SLC16A5: variants seen among roughly 807,000 people sequenced by gnomAD.
The protein encoded by SLC16A5 is monocarboxylate transporter 6.
In SLC16A5, 29 loss-of-function variants were observed where a neutral mutation model predicts 33.2. The ratio of observed to expected loss-of-function variants is 0.87; its 90% CI spans 0.65 to 1.19. The LOEUF (loss-of-function observed/expected upper bound fraction) is 1.19, where lower values mean the gene tolerates loss of function less well. Ranked by LOEUF, SLC16A5 falls within the 50% of genes most tolerant of loss-of-function variation. The pLI, the probability that SLC16A5 is intolerant of heterozygous loss-of-function variation, is 0.00. For synonymous variants in SLC16A5, 248 were observed against 284.1 expected (o/e 0.87, Z 1.28); for missense variants, 606 against 678.2 (o/e 0.89, Z 1.18).
At chr17:75,100,923 T>C (rs1287794433) in intron 5 of SLC16A5, 107 bp downstream of exon 5, 3 of 1,128,068 alleles carry the variant, frequency 2.7e-6, no homozygotes, top group Non-Finnish European at 3.7e-6. Flanking sequence ...ACAGCTGGTT[T>C]CCAACCTGGC....
rs558445755 is a variant in SLC16A5, at chr17:75,097,278, A to G, written c.200-760A>G. ...AGAAGCTCCACATGTGCTTGGGTGAATGGGGCCCCTGTGAGGTGCCAAGGA... is the reference window on the plus strand; with the variant it reads ...AGAAGCTCCACATGTGCTTGGGTGAGTGGGGCCCCTGTGAGGTGCCAAGGA... On this transcript the variant is annotated intron_variant, in intron 3 of 6. Transcript: ENST00000329783. Among the ~76,000 whole-genome samples, 6 of 152,212 alleles carry G rather than the reference A, an allele frequency of 3.9e-5. No individual in the cohort carries two copies. In the South Asian group the frequency reaches 1.0e-3, roughly 26 times the overall value.
At chr17:75,103,292 G>A (rs943013277) in intron 5 of SLC16A5, among the ~76,000 whole-genome samples, 5 of 151,532 alleles carry the variant, frequency 3.3e-5, no homozygotes, top group Admixed American at 3.3e-4. Context: ...CTAAAGTGCT[G>A]GGATTACAGG....
downstream of SLC16A5, among the ~76,000 whole-genome samples, chr17:75,107,868 C>T (rs1431618779): frequency 6.6e-6 from 1 of 151,804 alleles, no homozygotes; most frequent in Admixed American, 6.6e-5. Flanking sequence ...ACCTGGGAGG[C>T]GGAGCTTCCA....
Position 75,098,085 on chromosome 17 carries a change from G to A in SLC16A5, c.247G>A (p.Val83Met), listed in dbSNP as rs565747189. The change falls in exon 4 of 7, where the codon GTG (valine) becomes ATG (methionine). Residue 83 changes from valine (V) to methionine (M), a missense_variant. Transcript: ENST00000329783. ...GGGACGCTTCGGCTGCCGAGTGACC[G>A]TGATGCTGGGGGGCGTGCTGGCCAG... ...LVGRFGCRVT[V>M]MLGGVLASLG... 6.8e-6 allele frequency: 11 copies of A among 1,609,592 alleles called. No homozygotes were observed. Among genetic ancestry groups the A allele is most frequent in the African/African-American group, 4.0e-5 (3 of 74,672 alleles).
Position 75,104,194 on chromosome 17 carries a change from G to C in SLC16A5, c.1364+14G>C, listed in dbSNP as rs757584751. The C allele has an allele frequency of 4.3e-6, 7 of 1,613,044 alleles. No individual in the cohort carries two copies. The South Asian group carries it at 6.6e-5, about 15-fold the overall frequency. On this transcript the variant is annotated intron_variant, in intron 6 of 6. Transcript: ENST00000329783. ...CCCTGAGATCATGTATGTAACCAGC[G>C]TCTAAGACCCAGGGTTCATCTGTGT...
At chr17:75,102,388 A>ACAGAGTGAAACTCCAACT (rs2073810902) in intron 5 of SLC16A5, among the ~76,000 whole-genome samples, 1 of 151,364 alleles carries the variant, frequency 6.6e-6, no homozygotes, top group South Asian at 2.1e-4. Flanking sequence ...AGCCTGGGCG[A>ACAGAGTGAAACTCCAACT]CAGAGTGAAA....
chr17:75,099,902 G>A, intron 4 of SLC16A5, 105 bp from the exon 5 acceptor site: 1 of 1,090,528 alleles, frequency 9.2e-7, no homozygotes, highest in Non-Finnish European at 1.3e-6. Context: ...GTATGGACTA[G>A]AACCAGAGGA....
intron 6 of SLC16A5, chr17:75,105,418 TC>T: frequency 1.0e-6 from 1 of 985,400 alleles, no homozygotes; most frequent in Non-Finnish European, 1.2e-6. Flanking sequence ...CAAGGGAAGC[TC>T]TTTTACTCCC....
intron 6 of SLC16A5, chr17:75,104,532 G>A: frequency 2.1e-6 from 2 of 934,198 alleles, no homozygotes; most frequent in Non-Finnish European, 2.6e-6. Flanking sequence ...GGATTCTCCT[G>A]CCTCTGCCCC....
At chr17:75,106,494 TGTAATCCCAGCTACTCG>T (rs1450672038), downstream of SLC16A5, among the ~76,000 whole-genome samples, 2 of 151,056 alleles carry the variant, frequency 1.3e-5, no homozygotes, top group African/African-American at 4.9e-5. Context: ...AGTGCGCACA[TGTAATCCCAGCTACTCG>T]GGAGGTTGAG....
At chr17:75,098,731 AC>A (rs1401440989) in intron 4 of SLC16A5, among the ~76,000 whole-genome samples, 1 of 152,136 alleles carries the variant, frequency 6.6e-6, no homozygotes, top group East Asian at 1.9e-4. Context: ...GGGAGAAATA[AC>A]GAAGGAGAAG....
chr17:75,101,185 C>G (rs1426689476), intron 5 of SLC16A5, among the ~76,000 whole-genome samples: 1 of 149,708 alleles, frequency 6.7e-6, no homozygotes. Flanking sequence ...GGAGGCAGAG[C>G]TTGCAGTGAG....
rs1411407677 is a variant in SLC16A5 at position 75,098,088 on chromosome 17, A to C, written c.250A>C (p.Met84Leu). 1.2e-6 allele frequency: 2 copies of C among 1,609,776 alleles called. No individual in the cohort carries two copies. Among genetic ancestry groups the C allele is most frequent in the African/African-American group, 2.7e-5 (2 of 74,576 alleles). ...VGRFGCRVTV[M>L]LGGVLASLGM... ...ACGCTTCGGCTGCCGAGTGACCGTGATGCTGGGGGGCGTGCTGGCCAGCCT... is the reference window on the plus strand; with the variant it reads ...ACGCTTCGGCTGCCGAGTGACCGTGCTGCTGGGGGGCGTGCTGGCCAGCCT... Residue 84 changes from methionine (M) to leucine (L), a missense_variant, in exon 4 of 7, where the codon ATG becomes CTG. By Grantham distance (15) the Met-to-Leu change is conservative. Transcript: ENST00000329783.
chr17:75,088,619 G>C (rs2073599475), intron 1 of SLC16A5, among the ~76,000 whole-genome samples: 1 of 152,032 alleles, frequency 6.6e-6, no homozygotes, highest in East Asian at 1.9e-4. Flanking sequence ...TGCCTGCCTG[G>C]GTCCAGGGCT....
downstream of SLC16A5, among the ~76,000 whole-genome samples, chr17:75,109,382 G>A (rs1248819336): frequency 6.6e-6 from 1 of 151,994 alleles, no homozygotes; most frequent in Non-Finnish European, 1.5e-5. The surrounding 1 kb of genome is among the most constrained non-coding windows in gnomAD (Gnocchi z 5.0). Flanking sequence ...TGCAAAAGGG[G>A]CAAAGGACTG....
rs954262713 is a variant in SLC16A5, at chr17:75,100,951, T to G, written c.1153+135T>G. ...AACCTGGCACTCAGAGTATGAACAGTTAAAAACATGGGTTTGGCCCGGCGC... is the reference window on the plus strand; with the variant it reads ...AACCTGGCACTCAGAGTATGAACAGGTAAAAACATGGGTTTGGCCCGGCGC... On this transcript the variant is annotated intron_variant, in intron 5 of 6. Coordinates refer to ENST00000329783, the MANE Select transcript of SLC16A5 (RefSeq NM_004695.4). The G allele has an allele frequency of 9.9e-5, 92 of 928,116 alleles. 1 individual carries two copies. Among genetic ancestry groups the G allele is most frequent in the Non-Finnish European group, 1.3e-4 (85 of 637,224 alleles). 57.5% of individuals were successfully genotyped at this position (928,116 alleles called of 1,614,324 possible).
At chr17:75,092,614 C>T (rs11868996) in intron 2 of SLC16A5, among the ~76,000 whole-genome samples, 4,586 of 152,086 alleles carry the variant, frequency 0.03, 238 homozygotes, top group African/African-American at 0.1. Flanking sequence ...CTTGAGCCAT[C>T]GTGCCCGGCC....
Position 75,104,515 on chromosome 17 carries a change from G to C in SLC16A5, c.1364+335G>C, listed in dbSNP as rs1047752283. On this transcript the variant is annotated intron_variant, in intron 6 of 6. Coordinates refer to ENST00000329783, the MANE Select transcript of SLC16A5 (RefSeq NM_004695.4). ...GCTCACTGCAACCTCTGCCTCCCAA[G>C]TTCAAGGGATTCTCCTGCCTCTGCC... is the stretch of plus-strand genomic sequence containing the variant. The C allele has an allele frequency of 3.5e-5, 36 of 1,015,882 alleles. 1 individual carries two copies. In the African/African-American group the frequency reaches 5.3e-4, roughly 15 times the overall value. 62.9% of individuals were successfully genotyped at this position (1,015,882 alleles called of 1,614,324 possible). A position where few individuals can be genotyped will look rare whatever the true frequency, so the allele number is the denominator to read the frequency against.
At chr17:75,093,384 C>G in intron 2 of SLC16A5, 1 of 1,534,936 alleles carries the variant, frequency 6.5e-7, no homozygotes, top group Non-Finnish European at 8.7e-7. Flanking sequence ...CACCTCCTGC[C>G]AGGCTGGCTC....
Sources: gnomAD v4.1 joint callset for allele counts (sites outside exome capture counted in the v4.1 genomes callset) on GRCh38, gnomAD v4.1.1 for gene constraint, Gnocchi (gnomAD v3.1) non-coding constraint, MANE v1.5 for transcripts, NCBI Gene and HGNC (gene_info 2026-07-23, HGNC 2026-07-21) for gene names.